The following FBP2 variants were observed in gnomAD, a reference collection of about 807,000 sequenced individuals.
FBP2 encodes fructose-1,6-bisphosphatase isozyme 2.
FBP2 carries 27 observed loss-of-function variants against 31.6 expected under a neutral mutation model. The observed-to-expected ratio is 0.85, with a 90% confidence interval of 0.63 to 1.18. FBP2 has a LOEUF of 1.18. Ranked by LOEUF, FBP2 falls within the 50% of genes most tolerant of loss-of-function variation. The pLI, the probability that FBP2 is intolerant of heterozygous loss-of-function variation, is 0.00. For missense variants in FBP2, 421 were observed against 436.1 expected (o/e 0.97, Z 0.31); for synonymous variants, 168 against 179.8 (o/e 0.93, Z 0.53).
chr9:94,563,048 A>T (rs1587836490), intron 6 of FBP2, among the ~76,000 whole-genome samples: 1 of 152,250 alleles, frequency 6.6e-6, no homozygotes, highest in East Asian at 1.9e-4. Flanking sequence ...AGTCAGATGC[A>T]GCCTGTGGAA....
At chr9:94,587,281 G>A (rs1827437420) in intron 2 of FBP2, 26 bp downstream of exon 2, 2 of 1,584,346 alleles carry the variant, frequency 1.3e-6, no homozygotes, top group Non-Finnish European at 1.7e-6. Flanking sequence ...CTACTGGCGA[G>A]CGGGCACCGC....
chr9:94,562,702 T>G (rs967869884), intron 6 of FBP2, among the ~76,000 whole-genome samples: 3 of 152,190 alleles, frequency 2.0e-5, no homozygotes, highest in Non-Finnish European at 4.4e-5. Context: ...CAGATGCATT[T>G]TTATGGGAGG....
In FBP2 at chr9:94,587,543, A is replaced by G. The variant is rs1827442405; in HGVS notation, c.171-74T>C. On this transcript the variant is annotated intron_variant, in intron 1 of 6. Coordinates refer to ENST00000375337, the MANE Select transcript of FBP2 (RefSeq NM_003837.4). ...CCAGCAAAGAGCCTGGGACCCTAAA[A>G]CGCCAGCAGTGCAGTCCCCTCTCGT... 7 of 1,357,318 alleles carry G rather than the reference A, an allele frequency of 5.2e-6. No individual in the cohort carries two copies. In the South Asian group the frequency reaches 8.4e-5, roughly 16 times the overall value. 84.1% of individuals were successfully genotyped at this position (1,357,318 alleles called of 1,614,324 possible). A position where few individuals can be genotyped will look rare whatever the true frequency, so the allele number is the denominator to read the frequency against.
chr9:94,577,597 T>C (rs1827329000), intron 3 of FBP2: 1 of 152,186 alleles, frequency 6.6e-6, no homozygotes, highest in Non-Finnish European at 1.5e-5. Context: ...AATATAAACA[T>C]TGAAAACTCA....
At chr9:94,574,352 T>C (rs1328456927) in intron 3 of FBP2, among the ~76,000 whole-genome samples, 1 of 152,212 alleles carries the variant, frequency 6.6e-6, no homozygotes, top group Non-Finnish European at 1.5e-5. Context: ...TTCAACTTTG[T>C]CAATTTGACA....
At chr9:94,588,965 C>T (rs1827461379) in intron 1 of FBP2, among the ~76,000 whole-genome samples, 1 of 152,216 alleles carries the variant, frequency 6.6e-6, no homozygotes, top group South Asian at 2.1e-4. Flanking sequence ...ATGTGACGGC[C>T]ACCCCAGTCA....
rs192814089 is a variant in FBP2, at chr9:94,561,592, T to C, written c.825+1750A>G. Reference sequence around the variant, plus strand: ...GTGTTAGCCAGGATGGTCTCGATCTTCTGACCTCGTGATCCACCCGCCTTG... The same window carrying C: ...GTGTTAGCCAGGATGGTCTCGATCTCCTGACCTCGTGATCCACCCGCCTTG... On this transcript the variant is annotated intron_variant, in intron 6 of 6. Transcript: ENST00000375337. Among the ~76,000 whole-genome samples the C allele has an allele frequency of 1.0e-3, 156 of 152,090 alleles. 2 individuals are homozygous for C. The highest frequency in any genetic ancestry group is 1.4e-3 in the East Asian group (7 of 5,142).
chr9:94,565,262 C>T (rs993816343), intron 5 of FBP2, among the ~76,000 whole-genome samples: 1 of 151,348 alleles, frequency 6.6e-6, no homozygotes, highest in African/African-American at 2.4e-5. Context: ...GTAATCCCAG[C>T]TACTCGGGAG....
chr9:94,582,796 C>T (rs1827386437), intron 3 of FBP2, among the ~76,000 whole-genome samples: 1 of 151,708 alleles, frequency 6.6e-6, no homozygotes, highest in South Asian at 2.1e-4. Flanking sequence ...GATTCGCCCG[C>T]CTCGGCCTCC....
chr9:94,570,880 A>AGTG (rs1205784321), intron 4 of FBP2: 2 of 152,166 alleles, frequency 1.3e-5, no homozygotes, highest in Admixed American at 6.5e-5. Flanking sequence ...CGCTGTCTGG[A>AGTG]GTGGTGCTTT....
chr9:94,567,946 G>A (rs1426741784), intron 4 of FBP2: 1 of 152,498 alleles, frequency 6.6e-6, no homozygotes, highest in Non-Finnish European at 1.5e-5. Context: ...GGCTAACATG[G>A]TGAAACCCCG....
chr9:94,566,030 C>T (rs1021335615), intron 5 of FBP2, among the ~76,000 whole-genome samples: 1 of 152,184 alleles, frequency 6.6e-6, no homozygotes, highest in Non-Finnish European at 1.5e-5. Context: ...GAAAGTTCAC[C>T]GTAGAGTTCT....
At chr9:94,590,710 T>C (rs150961920) in intron 1 of FBP2, among the ~76,000 whole-genome samples, 5 of 152,104 alleles carry the variant, frequency 3.3e-5, no homozygotes, top group Non-Finnish European at 2.9e-5. Context: ...GCCTCCACAG[T>C]GTGGAAAGAG....
intron 4 of FBP2, 120 bp from the exon 5 acceptor site, chr9:94,567,527 G>A: frequency 3.3e-6 from 4 of 1,229,582 alleles, no homozygotes; most frequent in Non-Finnish European, 4.6e-6. Flanking sequence ...GGGCTTGGCT[G>A]TGGTCACTCT....
chr9:94,579,017 C>T (rs1294628345), intron 3 of FBP2, among the ~76,000 whole-genome samples: 2 of 112,010 alleles, frequency 1.8e-5, no homozygotes, highest in Admixed American at 2.5e-4. Context: ...TGCACCACTG[C>T]ACTCCAGCCT....
At chr9:94,576,963 C>T (rs1338868219) in intron 3 of FBP2, among the ~76,000 whole-genome samples, 3 of 152,174 alleles carry the variant, frequency 2.0e-5, no homozygotes, top group Admixed American at 6.5e-5. Context: ...CCTCCCCCCA[C>T]TTCTTCCAAG....
chr9:94,584,573 T>C lies in FBP2; in HGVS notation c.426+4A>G. The C allele has an allele frequency of 1.9e-6, 3 of 1,590,310 alleles. No individual in the cohort carries two copies. Among genetic ancestry groups the C allele is most frequent in the Non-Finnish European group, 2.6e-6 (3 of 1,158,378 alleles). ...AGGTGTAAAATGTCAGCCTGTCTAC[T>C]CACCTTTCTATAGATGGCAAAGATG... is the stretch of plus-strand genomic sequence containing the variant. On this transcript the variant is annotated splice_donor_region_variant and intron_variant, in intron 3 of 6. Coordinates refer to ENST00000375337, the MANE Select transcript of FBP2 (RefSeq NM_003837.4).
intron 3 of FBP2, among the ~76,000 whole-genome samples, chr9:94,574,652 C>T (rs1827299443): frequency 6.6e-6 from 1 of 152,088 alleles, no homozygotes; most frequent in Non-Finnish European, 1.5e-5. Flanking sequence ...TCATGACATT[C>T]CATATGTTTT....
At chr9:94,562,265 G>GT (rs1257281938) in intron 6 of FBP2, among the ~76,000 whole-genome samples, 2 of 148,950 alleles carry the variant, frequency 1.3e-5, no homozygotes, top group East Asian at 4.0e-4. Context: ...AGCCTAGATG[G>GT]TGCCACTGCA....
Sources: allele counts gnomAD v4.1 joint callset (sites outside exome capture counted in the v4.1 genomes callset), GRCh38; gene constraint gnomAD v4.1.1; transcripts MANE v1.5; gene names NCBI Gene and HGNC (gene_info 2026-07-23, HGNC 2026-07-21).